The following NOTCH3 variants were observed in gnomAD, a reference collection of about 807,000 sequenced individuals.
NOTCH3 encodes notch receptor 3.
In NOTCH3, 86 loss-of-function variants were observed where a neutral mutation model predicts 213.3. That is an observed-to-expected ratio of 0.40 (90% CI 0.34 to 0.48). The LOEUF (loss-of-function observed/expected upper bound fraction) is 0.48. Among genes scored for constraint, NOTCH3 ranks in the 20% least tolerant of loss-of-function variants. NOTCH3 has a pLI of 0.57. For missense variants in NOTCH3, 2,783 were observed against 3,272.6 expected (o/e 0.85, Z 3.65); for synonymous variants, 1,354 against 1,355.9 (o/e 1.00, Z 0.03).
intron 25 of NOTCH3, among the ~76,000 whole-genome samples, chr19:15,172,244 G>A (rs571332138): frequency 1.2e-3 from 188 of 152,118 alleles, no homozygotes; most frequent in African/African-American, 4.2e-3. Context: ...TTAGGTCTCC[G>A]TGTCCCCAGA....
At position 15,165,040 on chromosome 19, in the gene NOTCH3, G is replaced by A. The variant is rs1486710634; in HGVS notation, c.5815+328C>T. On this transcript the variant is annotated intron_variant, in intron 31 of 32. Coordinates refer to ENST00000263388, the MANE Select transcript of NOTCH3 (RefSeq NM_000435.3). The surrounding 1 kb of genome is among the most constrained non-coding windows in gnomAD (Gnocchi z 4.7). ...CATCCTCCTGCCTCAGCCTCCCAAA[G>A]TGTTGGGATCACAGGCATGAGCCAC... Among the ~76,000 whole-genome samples, 2 of 152,162 alleles carry A rather than the reference G, an allele frequency of 1.3e-5. No individual in the cohort carries two copies. Among genetic ancestry groups the A allele is most frequent in the Non-Finnish European group, 2.9e-5 (2 of 68,038 alleles).
intron 8 of NOTCH3, 30 bp downstream of exon 8, chr19:15,188,959 G>A: frequency 6.3e-7 from 1 of 1,597,854 alleles, no homozygotes; most frequent in Non-Finnish European, 8.5e-7. Context: ...CCCTGCCTCA[G>A]GACCCGCCCA....
rs1043994 is a variant in NOTCH3 at position 15,192,033 on chromosome 19, T to C, written c.606A>G (p.Ala202=). The C allele has an allele frequency of 0.87, 1,408,094 of 1,613,208 alleles. 615,923 individuals carry two copies. The highest frequency in any genetic ancestry group is 0.91 in the African/African-American group (68,065 of 75,028). Residue 202 remains alanine (A), a synonymous_variant, in exon 4 of 33, where the codon GCA becomes GCG. Transcript: ENST00000263388. ...TGCCCCCGTTACGGCATGGTGAGGG[T>C]GCACAGGGCACCGCGGGGTTCTCAC... The part of the protein sequence containing the change: ...PLCENPAVPC[A]PSPCRNGGTC...
At position 15,160,940 on chromosome 19, in the gene NOTCH3, G is replaced by A. The variant is rs1166767532; in HGVS notation, c.6688C>T (p.Pro2230Ser). The change falls in exon 33 of 33, where the codon CCC becomes TCC. Residue 2230 changes from proline (P) to serine (S), a missense_variant. Physicochemically the swap from Pro to Ser is moderately conservative, Grantham distance 74 (BLOSUM62 -1). Transcript: ENST00000263388. ...EYPAAGAHSS[P>S]PKARFLRVPS... The stretch of plus-strand genomic sequence containing the variant: ...ACCCGCAGGAAGCGGGCCTTTGGGG[G>A]GCTGCTGTGTGCCCCAGCCGCCGGG... 1.9e-6 allele frequency: 3 copies of A among 1,597,320 alleles called. No individual in the cohort carries two copies. The highest frequency in any genetic ancestry group is 2.6e-6 in the Non-Finnish European group (3 of 1,171,686).
At position 15,160,219 on chromosome 19, in the gene NOTCH3, CA is replaced by C. The variant is rs1235446693; in HGVS notation, c.*442del. The C allele has an allele frequency of 4.2e-6, 1 of 240,184 alleles. No individual in the cohort carries two copies. The highest frequency in any genetic ancestry group is 1.6e-4 in the South Asian group (1 of 6,348). 14.9% of individuals were successfully genotyped at this position (240,184 alleles called of 1,614,324 possible). Reference sequence around the variant, plus strand: ...CCCCACGGGGGCACTGGGGGGTTCACAGGGGGAGGGAGCATCTCCATATATA... The same window carrying C: ...CCCCACGGGGGCACTGGGGGGTTCACGGGGGAGGGAGCATCTCCATATATA... On this transcript the variant is annotated 3_prime_UTR_variant, in exon 33 of 33. Transcript: ENST00000263388.
intron 10 of NOTCH3, 138 bp from the exon 11 acceptor site, chr19:15,187,476 A>G: frequency 2.2e-6 from 1 of 448,642 alleles, no homozygotes. Context: ...TACAGGCCCC[A>G]CCCCCCACCC....
chr19:15,184,686 C>T (rs1291646248), intron 15 of NOTCH3, among the ~76,000 whole-genome samples: 1 of 152,212 alleles, frequency 6.6e-6, no homozygotes, highest in African/African-American at 2.4e-5. Flanking sequence ...CCCTAAACCC[C>T]GCCCTAAGTC....
At position 15,184,037 on chromosome 19, in the gene NOTCH3, CAAAAAAAAAAAAAAA is replaced by C. The variant is rs34518539; in HGVS notation, c.2566+243_2566+257del. ...CAGCGACAGAGCTAAGACTCTGTCTCAAAAAAAAAAAAAAAAAAAAAAAAAAAAGAGGCAGCACAC... is the reference window on the plus strand; with the variant it reads ...CAGCGACAGAGCTAAGACTCTGTCTCAAAAAAAAAAAAAGAGGCAGCACAC... On this transcript the variant is annotated intron_variant, in intron 16 of 32. Transcript: ENST00000263388. Among the ~76,000 whole-genome samples the C allele has an allele frequency of 4.1e-3, 113 of 27,632 alleles. 1 individual carries two copies. The South Asian group carries it at 0.078, about 19-fold the overall frequency. The allele number at this position is 27,632 out of a possible 152,430, so 18.1% of individuals were successfully genotyped here.
chr19:15,159,691 G>A lies in NOTCH3; in HGVS notation c.*971C>T. The stretch of plus-strand genomic sequence containing the variant: ...GGGAGTGGGGGGCTGTACAATGCAG[G>A]GCTTGGGAATTCAGCTACACAGGGA... On this transcript the variant is annotated 3_prime_UTR_variant, in exon 33 of 33. Transcript: ENST00000263388. 4.3e-6 allele frequency: 1 copy of A among 232,826 alleles called. No individual in the cohort carries two copies. 14.4% of individuals were successfully genotyped at this position (232,826 alleles called of 1,614,324 possible).
In NOTCH3 at chr19:15,177,071, TAAAAAAAAA is replaced by T. The variant is rs776950725; in HGVS notation, c.4403+445_4403+453del. ...TGGGCAAGAGAGCGAGACTCCGTCT[TAAAAAAAAA>T]AAAAAAAAAAAAAAGGAATTCGGCT... On this transcript the variant is annotated intron_variant, in intron 24 of 32. Coordinates refer to ENST00000263388, the MANE Select transcript of NOTCH3 (RefSeq NM_000435.3). 2.1e-4 allele frequency among the ~76,000 whole-genome samples: 17 copies of T among 79,146 alleles called. 1 individual carries two copies. Among genetic ancestry groups the T allele is most frequent in the East Asian group, 1.9e-3 (4 of 2,162 alleles). The allele number at this position is 79,146 out of a possible 152,430, so 51.9% of individuals were successfully genotyped here.
chr19:15,179,739 G>A (rs1323894358), intron 20 of NOTCH3: 9 of 591,820 alleles, frequency 1.5e-5, no homozygotes, highest in Non-Finnish European at 2.7e-5. Flanking sequence ...AAAATTAGCT[G>A]GGCGTGGTGG....
intron 2 of NOTCH3, among the ~76,000 whole-genome samples, chr19:15,193,951 G>A (rs940273928): frequency 3.3e-5 from 5 of 149,476 alleles, no homozygotes; most frequent in African/African-American, 4.9e-5. Flanking sequence ...GCGTGGTGGT[G>A]CACTCGTGTA....
chr19:15,173,732 A>AGAAGAAG (rs1178557146), intron 25 of NOTCH3, among the ~76,000 whole-genome samples: 24 of 29,226 alleles, frequency 8.2e-4, no homozygotes, highest in African/African-American at 1.4e-3. Context: ...CTCAAAAAAA[A>AGAAGAAG]AAAAAAAAAG....
rs1313465081 is a variant in NOTCH3 at position 15,185,157 on chromosome 19, A to T, written c.2296+100T>A. ...CTCCTGGAGGGAAATGATTGAAAGC[A>T]AAAAAGAAGCTAACATAGCGGGAGG... On this transcript the variant is annotated intron_variant, in intron 14 of 32. Coordinates refer to ENST00000263388, the MANE Select transcript of NOTCH3 (RefSeq NM_000435.3). This position sits in a 1 kb window ranked among gnomAD's most constrained non-coding sequence, Gnocchi z 4.2. The T allele has an allele frequency of 5.3e-6, 8 of 1,517,020 alleles. No homozygotes were observed. The highest frequency in any genetic ancestry group is 7.3e-6 in the Non-Finnish European group (8 of 1,100,762). The allele number at this position is 1,517,020 out of a possible 1,614,324, so 94.0% of individuals were successfully genotyped here.
intron 28 of NOTCH3, among the ~76,000 whole-genome samples, chr19:15,169,693 G>A (rs1362385101): frequency 6.6e-6 from 1 of 152,214 alleles, no homozygotes; most frequent in East Asian, 1.9e-4. Context: ...CTCAGAACCG[G>A]CTCAGAGCAC....
At chr19:15,175,556 C>CATATATATATATAT (rs71168593) in intron 24 of NOTCH3, among the ~76,000 whole-genome samples, 14 of 90,212 alleles carry the variant, frequency 1.6e-4, no homozygotes, top group African/African-American at 4.6e-4. Context: ...AAAAAAAATA[C>CATATATATATATAT]ATATATATAT....
At chr19:15,180,533 A>C in intron 19 of NOTCH3, 148 bp downstream of exon 19, 2 of 980,986 alleles carry the variant, frequency 2.0e-6, no homozygotes, top group Non-Finnish European at 3.1e-6. Flanking sequence ...GCCAGTTGTC[A>C]CATGCTCACA....
At chr19:15,176,006 G>T (rs1471662782) in intron 24 of NOTCH3, among the ~76,000 whole-genome samples, 1 of 151,804 alleles carries the variant, frequency 6.6e-6, no homozygotes, top group Non-Finnish European at 1.5e-5. Flanking sequence ...AGGACAGACA[G>T]AGAGAGGGGC....
Position 15,166,027 on chromosome 19 carries a change from T to G in NOTCH3, c.5427A>C (p.Glu1809Asp). 1 of 1,614,170 alleles carries G rather than the reference T, an allele frequency of 6.2e-7. No homozygotes were observed. The highest frequency in any genetic ancestry group is 8.5e-7 in the Non-Finnish European group (1 of 1,180,020). The change falls in exon 30 of 33, where the codon GAA becomes GAC. Residue 1809 changes from glutamate to aspartate, a missense_variant. Glu to Asp is a conservative substitution (Grantham distance 45, BLOSUM62 2). Transcript: ENST00000263388. ...CGGALEPMPT[E>D]EDEADDTSAS... ...CTGATGTGTCATCTGCCTCATCCTCTTCAGTTGGCATTGGCTCCAGAGCCC... is the reference window on the plus strand; with the variant it reads ...CTGATGTGTCATCTGCCTCATCCTCGTCAGTTGGCATTGGCTCCAGAGCCC...
Sources: allele counts gnomAD v4.1 joint callset (sites outside exome capture counted in the v4.1 genomes callset), GRCh38; gene constraint gnomAD v4.1.1; non-coding constraint Gnocchi (gnomAD v3.1); transcripts MANE v1.5; gene names NCBI Gene and HGNC (gene_info 2026-07-23, HGNC 2026-07-21).